GREB1L: variants seen among roughly 807,000 people sequenced by gnomAD.
GREB1L encodes GREB1-like protein.
A neutral mutation model predicts 200.8 loss-of-function variants in GREB1L; 17 were observed. That is an observed-to-expected ratio of 0.08 (90% CI 0.06 to 0.13). GREB1L has a LOEUF of 0.13. Ranked by LOEUF, GREB1L falls within the 10% of genes least tolerant of loss-of-function variation. GREB1L has a pLI of 1.00. For missense variants in GREB1L, 1,657 were observed against 2,367.7 expected, an observed-to-expected ratio of 0.70 and a Z score of 6.23; for synonymous variants, 789 against 893.0, an observed-to-expected ratio of 0.88 and a Z score of 2.08.
At chr18:21,479,895 A>G (rs549950563) in intron 17 of GREB1L, among the ~76,000 whole-genome samples, 1 of 151,968 alleles carries the variant, frequency 6.6e-6, no homozygotes, top group Non-Finnish European at 1.5e-5. Context: ...ACATACCACA[A>G]TGCCTGACTA....
At chr18:21,264,272 G>GAA (rs796467054) in intron 1 of GREB1L, among the ~76,000 whole-genome samples, 1 of 136,858 alleles carries the variant, frequency 7.3e-6, no homozygotes. Context: ...TCTGCATCCA[G>GAA]AAAAAAAAAA....
At chr18:21,444,087 T>C in intron 10 of GREB1L, 137 bp from the exon 11 acceptor site, 1 of 583,002 alleles carries the variant, frequency 1.7e-6, no homozygotes, top group Non-Finnish European at 3.0e-6. Flanking sequence ...GATTGATATG[T>C]TTGAGTGATT....
rs1163063987 is a variant in GREB1L at position 21,505,399 on chromosome 18, C to T, written c.4073-13C>T. 6.5e-7 allele frequency: 1 copy of T among 1,549,046 alleles called. No homozygotes were observed. Among genetic ancestry groups the T allele is most frequent in the Non-Finnish European group, 8.7e-7 (1 of 1,146,702 alleles). ...GCCAGTCACCTGCTCTGCACACTTCCTTCTTGTCCTAGATCACAATGAAAG... is the reference window on the plus strand; with the variant it reads ...GCCAGTCACCTGCTCTGCACACTTCTTTCTTGTCCTAGATCACAATGAAAG... On this transcript the variant is annotated splice_polypyrimidine_tract_variant and intron_variant, in intron 23 of 32. Transcript: ENST00000424526.
At position 21,520,811 on chromosome 18, in the gene GREB1L, A is replaced by G; in HGVS notation, c.5596A>G (p.Lys1866Glu). 5 of 1,536,266 alleles carry G rather than the reference A, an allele frequency of 3.3e-6. No homozygotes were observed. Among genetic ancestry groups the G allele is most frequent in the Non-Finnish European group, 3.5e-6 (4 of 1,139,848 alleles). The change falls in exon 32 of 33, where the codon AAA (lysine) becomes GAA (glutamate). Residue 1866 changes from lysine to glutamate, a missense_variant. This residue lies in a region of GREB1L where 190 missense variants were observed against 230.2 expected (regional missense o/e 0.83). Transcript: ENST00000424526. ...TGTAGGTGCTGATCTTAAGAAATTT[A>G]AATTTCTAAAAGGTAAGTCAAATTT... ...SFVGADLKKFKFLKGATLCVI... is the reference protein window; with the variant it reads ...SFVGADLKKFEFLKGATLCVI...
chr18:21,361,757 A>G (rs2039584089), intron 1 of GREB1L, among the ~76,000 whole-genome samples: 1 of 152,112 alleles, frequency 6.6e-6, no homozygotes. Flanking sequence ...TCAGTCAGAC[A>G]ATAAGAACTT....
At chr18:21,278,009 C>T (rs367884513) in intron 1 of GREB1L, among the ~76,000 whole-genome samples, 285 of 152,200 alleles carry the variant, frequency 1.9e-3, no homozygotes, top group African/African-American at 6.6e-3. Flanking sequence ...TGAGGCCTGT[C>T]GAAATGGGTA....
chr18:21,256,944 G>A (rs1223834678), intron 1 of GREB1L, among the ~76,000 whole-genome samples: 1 of 147,450 alleles, frequency 6.8e-6, no homozygotes, highest in African/African-American at 2.5e-5. Flanking sequence ...GGTGGCGGTT[G>A]CAGTGAGCCG....
Position 21,449,519 on chromosome 18 carries a change from A to C in GREB1L, c.1403A>C (p.Gln468Pro), listed in dbSNP as rs2145402894. The C allele has an allele frequency of 6.5e-7, 1 of 1,532,370 alleles. No homozygotes were observed. Among genetic ancestry groups the C allele is most frequent in the African/African-American group, 1.4e-5 (1 of 72,710 alleles). 94.9% of individuals were successfully genotyped at this position (1,532,370 alleles called of 1,614,324 possible). ...IQYLVRLGPDQVPLREEFEQI... is the reference protein window; with the variant it reads ...IQYLVRLGPDPVPLREEFEQI... ...ATTCTCTTCTATATAGGTCCTGATCAGGTACCTCTCAGGGAAGAATTTGAG... is the reference window on the plus strand; with the variant it reads ...ATTCTCTTCTATATAGGTCCTGATCCGGTACCTCTCAGGGAAGAATTTGAG... The change falls in exon 12 of 33, where the codon CAG becomes CCG. Residue 468 changes from glutamine to proline, a missense_variant. By Grantham distance (76) the Gln-to-Pro change is moderately conservative. This residue lies in a region of GREB1L where 289 missense variants were observed against 345.1 expected (regional missense o/e 0.84). Transcript: ENST00000424526.
At chr18:21,281,248 A>C (rs778083123) in intron 1 of GREB1L, among the ~76,000 whole-genome samples, 1 of 152,152 alleles carries the variant, frequency 6.6e-6, no homozygotes, top group Non-Finnish European at 1.5e-5. Context: ...GGTGTGGTTT[A>C]TTGTGTAAAA....
chr18:21,381,280 C>T (rs866553077), intron 2 of GREB1L, among the ~76,000 whole-genome samples: 13 of 151,746 alleles, frequency 8.6e-5, no homozygotes, highest in Non-Finnish European at 1.6e-4. Flanking sequence ...CAGTGGCAGG[C>T]GCCTGTAATC....
At chr18:21,442,279 G>T (rs912281328) in intron 10 of GREB1L, among the ~76,000 whole-genome samples, 4 of 152,308 alleles carry the variant, frequency 2.6e-5, no homozygotes, top group Admixed American at 6.5e-5. Context: ...GGACAAAATA[G>T]ATAGGGTGTT....
intron 4 of GREB1L, among the ~76,000 whole-genome samples, chr18:21,391,702 G>A (rs2040814812): frequency 6.6e-6 from 1 of 152,216 alleles, no homozygotes; most frequent in African/African-American, 2.4e-5. Context: ...TTATAATAGT[G>A]TGTAATCTTT....
chr18:21,463,721 GCACATGC>G (rs2035151413), intron 15 of GREB1L, among the ~76,000 whole-genome samples: 1 of 152,052 alleles, frequency 6.6e-6, no homozygotes. Context: ...GGAACTACAG[GCACATGC>G]CACCACACTT....
chr18:21,482,965 G>C (rs2035981366), intron 17 of GREB1L, among the ~76,000 whole-genome samples: 1 of 152,132 alleles, frequency 6.6e-6, no homozygotes, highest in African/African-American at 2.4e-5. Context: ...TTAAAGGATG[G>C]TTCCACTCAT....
At chr18:21,461,886 G>GT (rs1598880532) in intron 15 of GREB1L, among the ~76,000 whole-genome samples, 2 of 152,258 alleles carry the variant, frequency 1.3e-5, no homozygotes, top group East Asian at 3.9e-4. Context: ...TGGCCCTCTG[G>GT]TAAAAACAAA....
Position 21,524,259 on chromosome 18 carries a change from TGAC to T in GREB1L, c.*1439_*1441del, listed in dbSNP as rs1255243723. The T allele has an allele frequency of 2.0e-5, 3 of 152,216 alleles. No homozygotes were observed. The highest frequency in any genetic ancestry group is 2.0e-4 in the Admixed American group (3 of 15,274). The allele number at this position is 152,216 out of a possible 1,614,324, so 9.4% of individuals were successfully genotyped here. On this transcript the variant is annotated 3_prime_UTR_variant, in exon 33 of 33. Transcript: ENST00000424526. ...TTAATTGACCAGCTTTATTATCTTA[TGAC>T]AACAAGGAGTTTACAAAGCTAGTGA...
rs8095818 is a variant in GREB1L at position 21,356,055 on chromosome 18, C to T, written c.-119-9972C>T. 8.1e-3 allele frequency among the ~76,000 whole-genome samples: 1,142 copies of T among 141,360 alleles called. 27 individuals carry two copies. Among genetic ancestry groups the T allele is most frequent in the African/African-American group, 0.029 (1,090 of 37,488 alleles). The allele number at this position is 141,360 out of a possible 152,430, so 92.7% of individuals were successfully genotyped here. On this transcript the variant is annotated intron_variant, in intron 1 of 32. Coordinates refer to ENST00000424526, the MANE Select transcript of GREB1L (RefSeq NM_001142966.3). The stretch of plus-strand genomic sequence containing the variant: ...AGGCTGGAGTGCAGTGGTGCAATCT[C>T]GGCTCACTGCAAGCTCCACCTCCCG...
At chr18:21,481,534 A>G (rs1054768614) in intron 17 of GREB1L, among the ~76,000 whole-genome samples, 3 of 150,126 alleles carry the variant, frequency 2.0e-5, no homozygotes, top group African/African-American at 7.4e-5. Flanking sequence ...GTTTATATTA[A>G]CAATGTAAAT....
chr18:21,359,782 T>C (rs765897748), intron 1 of GREB1L, among the ~76,000 whole-genome samples: 8 of 152,226 alleles, frequency 5.3e-5, no homozygotes, highest in African/African-American at 1.4e-4. Context: ...ATTACTCTTG[T>C]TGACTGTTGA....
Sources: gnomAD v4.1 joint callset for allele counts (sites outside exome capture counted in the v4.1 genomes callset) on GRCh38, gnomAD v4.1.1 for gene constraint, gnomAD v4.1.1 regional missense constraint, MANE v1.5 for transcripts, NCBI Gene and HGNC (gene_info 2026-07-23, HGNC 2026-07-21) for gene names.